PHF19: variants seen among roughly 807,000 people sequenced by gnomAD.
PHF19 encodes the protein PHD finger protein 19.
PHF19 carries 21 observed loss-of-function variants against 79.8 expected under a neutral mutation model. The observed-to-expected ratio is 0.26, with a 90% CI of 0.19 to 0.38. The LOEUF (loss-of-function observed/expected upper bound fraction) is 0.38. PHF19 is among the 10% of genes least tolerant of loss of function. The probability of loss-of-function intolerance (pLI) is 1.00; values close to 1 mark genes in which losing one functional copy is unlikely to be tolerated. For missense variants in PHF19, 445 were observed against 744.2 expected (o/e 0.60, Z 4.68); for synonymous variants, 273 against 296.3 (o/e 0.92, Z 0.81).
chr9:120,864,564 T>C (rs1472651037), intron 9 of PHF19, among the ~76,000 whole-genome samples: 1 of 152,190 alleles, frequency 6.6e-6, no homozygotes, highest in East Asian at 1.9e-4. Flanking sequence ...GCGCCTATAA[T>C]CCCAGCTACT....
chr9:120,896,863 T>C (rs1308205542), upstream of PHF19, among the ~76,000 whole-genome samples: 1 of 152,222 alleles, frequency 6.6e-6, no homozygotes, highest in Non-Finnish European at 1.5e-5. Context: ...AATCGATTGT[T>C]TCCCTTTCTC....
chr9:120,891,929 C>T lies in PHF19; in HGVS notation c.42+2859G>A, dbSNP rs1010214364. ...AGGGCTCAAAACATCCTAAAACAGG[C>T]TGCAAACCCCTGACGCCTTGCAGAG... On this transcript the variant is annotated intron_variant, in intron 1 of 14. Transcript: ENST00000616568. The surrounding 1 kb of genome is among the most constrained non-coding windows in gnomAD (Gnocchi z 4.3). 6.6e-6 allele frequency among the ~76,000 whole-genome samples: 1 copy of T among 152,152 alleles called. No homozygotes were observed. Among genetic ancestry groups the T allele is most frequent in the African/African-American group, 2.4e-5 (1 of 41,436 alleles).
rs1390030076 is a variant in PHF19, at chr9:120,866,945, T to G, written c.635A>C (p.Gln212Pro). ...GPGEWYLRML[Q>P]CYRCRQWFHE... ...GAACCACTGCCTGCACCGGTAACATTGCAGCATCCGCAGGTACCATCTGGA... is the reference window on the plus strand; with the variant it reads ...GAACCACTGCCTGCACCGGTAACATGGCAGCATCCGCAGGTACCATCTGGA... The change falls in exon 7 of 15, where the codon CAA becomes CCA. Residue 212 changes from glutamine to proline, a missense_variant. Physicochemically the swap from Gln to Pro is moderately conservative, Grantham distance 76. This residue lies in a region of PHF19 where 167 missense variants were observed against 375.8 expected (regional missense o/e 0.44). Coordinates refer to ENST00000373896, the MANE Select transcript of PHF19 (RefSeq NM_015651.3). The surrounding 1 kb of genome is among the most constrained non-coding windows in gnomAD (Gnocchi z 5.2). 1 of 1,610,112 alleles carries G rather than the reference T, an allele frequency of 6.2e-7. No individual in the cohort carries two copies. Among genetic ancestry groups the G allele is most frequent in the Non-Finnish European group, 8.5e-7 (1 of 1,176,500 alleles).
At chr9:120,901,716 C>T in the PHF19 span, among the ~76,000 whole-genome samples, 3 of 152,122 alleles carry the variant, frequency 2.0e-5, no homozygotes, top group African/African-American at 4.8e-5. Context: ...CCCAGGGAGC[C>T]GGCAGCACCT....
At chr9:120,901,441 C>A in the PHF19 span, among the ~76,000 whole-genome samples, 1 of 152,102 alleles carries the variant, frequency 6.6e-6, no homozygotes, top group Admixed American at 6.5e-5. Context: ...ATGATCCACC[C>A]GCCTTGGCTT....
In PHF19 at chr9:120,862,774, A is replaced by C. The variant is rs754142651; in HGVS notation, c.969-25T>G. The C allele has an allele frequency of 8.7e-6, 14 of 1,612,724 alleles. No individual in the cohort carries two copies. Among genetic ancestry groups the C allele is most frequent in the East Asian group, 2.2e-5 (1 of 44,864 alleles). On this transcript the variant is annotated intron_variant, in intron 10 of 14. Transcript: ENST00000373896. The surrounding 1 kb of genome is among the most constrained non-coding windows in gnomAD (Gnocchi z 4.6). ...CCTGGGGGTGGGCAGTGGGAGGAAG[A>C]AGCTCTGGAGTCTGTCAGTCCATCC...
intron 6 of PHF19, among the ~76,000 whole-genome samples, chr9:120,867,189 A>G (rs1429936916): frequency 2.0e-5 from 3 of 152,244 alleles, no homozygotes; most frequent in African/African-American, 7.2e-5. Flanking sequence ...CATATTACAG[A>G]TAAGTCACAG....
intron 1 of PHF19, among the ~76,000 whole-genome samples, chr9:120,875,684 A>C (rs568840633): frequency 6.6e-6 from 1 of 152,070 alleles, no homozygotes; most frequent in East Asian, 1.9e-4. Flanking sequence ...CCTTGTGCTT[A>C]CCTCCACTAG....
chr9:120,863,970 C>T (rs780133598), intron 10 of PHF19, 79 bp downstream of exon 10: 152 of 1,172,500 alleles, frequency 1.3e-4, no homozygotes, highest in Non-Finnish European at 1.8e-4. Flanking sequence ...GGGAGCATAG[C>T]CTGAGCAAAG....
upstream of PHF19, among the ~76,000 whole-genome samples, chr9:120,877,567 G>T (rs1211253233): frequency 2.6e-5 from 4 of 152,068 alleles, no homozygotes; most frequent in Non-Finnish European, 5.9e-5. Flanking sequence ...GCACACGACC[G>T]CTCGCACACT....
rs148457642 is a variant in PHF19 at position 120,886,589 on chromosome 9, T to A, written c.42+8199A>T. On this transcript the variant is annotated intron_variant, in intron 1 of 14. Coordinates refer to the PHF19 transcript ENST00000616568. ...ACCACAGCATTTAGCCATGCACTCC[T>A]GGTGTGACTATGGAGATCCCTTCCA... Among the ~76,000 whole-genome samples, 513 of 152,336 alleles carry A rather than the reference T, an allele frequency of 3.4e-3. 2 individuals are homozygous for A. The highest frequency in any genetic ancestry group is 4.5e-3 in the Non-Finnish European group (309 of 68,024).
intron 6 of PHF19, chr9:120,868,774 GC>G: frequency 1.3e-6 from 1 of 749,336 alleles, no homozygotes; most frequent in Non-Finnish European, 1.6e-6. Flanking sequence ...TCCCCACCCC[GC>G]CCCTCCACAG....
At chr9:120,884,326 T>C (rs1588134098) in intron 1 of PHF19, among the ~76,000 whole-genome samples, 1 of 152,236 alleles carries the variant, frequency 6.6e-6, no homozygotes, top group Admixed American at 6.5e-5. Flanking sequence ...TTACAAGGCA[T>C]CCTTTCTGGA....
chr9:120,880,488 C>T (rs139196135), upstream of PHF19, among the ~76,000 whole-genome samples: 19 of 151,284 alleles, frequency 1.3e-4, 1 homozygote, highest in South Asian at 2.1e-3. Context: ...AGCGAGACTC[C>T]GTCTCAACAA....
the PHF19 span, chr9:120,903,334 G>A: frequency 2.6e-5 from 4 of 152,442 alleles, no homozygotes; most frequent in South Asian, 8.3e-4. Flanking sequence ...GAGGGCAAGG[G>A]AGAGGCTTCC....
intron 1 of PHF19, among the ~76,000 whole-genome samples, chr9:120,890,900 T>C (rs533606077): frequency 1.3e-5 from 2 of 152,334 alleles, no homozygotes; most frequent in South Asian, 4.1e-4. Flanking sequence ...TACAAGGCCC[T>C]TTGTGATCTG....
intron 1 of PHF19, among the ~76,000 whole-genome samples, chr9:120,894,617 G>A (rs990620903): frequency 6.6e-6 from 1 of 151,844 alleles, no homozygotes; most frequent in Admixed American, 6.6e-5. Flanking sequence ...CCAAGAGAAG[G>A]CCGGGCGCGG....
chr9:120,864,083 G>A lies in PHF19; in HGVS notation c.934C>T (p.His312Tyr). 1 of 1,613,976 alleles carries A rather than the reference G, an allele frequency of 6.2e-7. No homozygotes were observed. Among genetic ancestry groups the A allele is most frequent in the Non-Finnish European group, 8.5e-7 (1 of 1,179,946 alleles). The change falls in exon 10 of 15, where the codon CAT (histidine) becomes TAT (tyrosine). Residue 312 changes from histidine to tyrosine, a missense_variant. By Grantham distance (83) the His-to-Tyr change is moderately conservative. This residue lies in a region of PHF19 where 167 missense variants were observed against 375.8 expected (regional missense o/e 0.44). Coordinates refer to ENST00000373896, the MANE Select transcript of PHF19 (RefSeq NM_015651.3). ...TSTPVTDRGP[H>Y]LLNALNSYKS... Reference sequence around the variant, plus strand: ...TAACTGTTCAGAGCGTTGAGGAGATGTGGTCCTCGATCTGTCACTGGGGTG... The same window carrying A: ...TAACTGTTCAGAGCGTTGAGGAGATATGGTCCTCGATCTGTCACTGGGGTG...
At chr9:120,888,064 C>G (rs1211950757) in intron 1 of PHF19, among the ~76,000 whole-genome samples, 1 of 152,224 alleles carries the variant, frequency 6.6e-6, no homozygotes, top group Admixed American at 6.5e-5. Context: ...CCTCTGCCTC[C>G]CAGGTTCAAG....
Sources: allele counts gnomAD v4.1 joint callset (sites outside exome capture counted in the v4.1 genomes callset), GRCh38; gene constraint gnomAD v4.1.1; regional missense constraint gnomAD v4.1.1; non-coding constraint Gnocchi (gnomAD v3.1); transcripts MANE v1.5; gene names NCBI Gene and HGNC (gene_info 2026-07-23, HGNC 2026-07-21).